POLR2E: variants seen among roughly 807,000 people sequenced by gnomAD.
POLR2E encodes the protein RNA polymerase II, I and III subunit E.
Under a neutral mutation model 29.8 loss-of-function variants are expected in POLR2E, and 35 were observed. That is an observed-to-expected ratio of 1.17 (90% CI 0.90 to 1.55). The LOEUF is 1.55. Ranked by LOEUF, POLR2E falls within the 40% of genes most tolerant of loss-of-function variation. The pLI, the probability that POLR2E is intolerant of heterozygous loss-of-function variation, is 0.00. For synonymous variants in POLR2E, 174 were observed against 112.6 expected, an observed-to-expected ratio of 1.55 and a Z score of -3.45; for missense variants, 287 against 288.6, an observed-to-expected ratio of 0.99 and a Z score of 0.04.
At position 1,087,903 on chromosome 19, in the gene POLR2E, GCCAGAT is replaced by G; in HGVS notation, c.*826_*831del. The stretch of plus-strand genomic sequence containing the variant: ...GACAGTAAGCAAACGGGGAAGTAGA[GCCAGAT>G]CCCAAACGTCTGTAAGAGGAACTGG... On this transcript the variant is annotated 3_prime_UTR_variant, in exon 8 of 8. Transcript: ENST00000615234. The G allele has an allele frequency of 6.6e-6, 1 of 152,412 alleles. No homozygotes were observed. The highest frequency in any genetic ancestry group is 1.9e-4 in the East Asian group (1 of 5,290). 9.4% of individuals were successfully genotyped at this position (152,412 alleles called of 1,614,324 possible).
rs1599793695 is a variant in POLR2E, at chr19:1,091,498, G to A, written c.348+294C>T. On this transcript the variant is annotated intron_variant, in intron 3 of 7. Transcript: ENST00000615234. ...TCAGGATAAAGAACCTCCGGCTCCTGGAATCTGCACCAGGCCGAGGGCTGG... is the reference window on the plus strand; with the variant it reads ...TCAGGATAAAGAACCTCCGGCTCCTAGAATCTGCACCAGGCCGAGGGCTGG... The A allele has an allele frequency of 8.7e-6, 4 of 460,772 alleles. No homozygotes were observed. In the Admixed American group the frequency reaches 1.0e-4, roughly 12 times the overall value. 28.5% of individuals were successfully genotyped at this position (460,772 alleles called of 1,614,324 possible). A position where few individuals can be genotyped will look rare whatever the true frequency, so the allele number is the denominator to read the frequency against.
rs2043814727 is a variant in POLR2E, at chr19:1,090,903, C to T, written c.429+5G>A. The stretch of plus-strand genomic sequence containing the variant: ...CGCAGGCGGGATTCCGCGGCGCGCG[C>T]CCACCTCGTGCTCCGTGATGTTGAT... On this transcript the variant is annotated splice_donor_5th_base_variant and intron_variant, in intron 4 of 7. Transcript: ENST00000615234. 1 of 1,611,590 alleles carries T rather than the reference C, an allele frequency of 6.2e-7. No individual in the cohort carries two copies. Among genetic ancestry groups the T allele is most frequent in the African/African-American group, 1.3e-5 (1 of 74,920 alleles).
At chr19:1,093,732 T>C in intron 2 of POLR2E, 172 bp downstream of exon 2, 1 of 1,394,448 alleles carries the variant, frequency 7.2e-7, no homozygotes, top group Non-Finnish European at 9.3e-7. Context: ...ATGAGAGGGG[T>C]CAGAGATCAA....
At position 1,090,914 on chromosome 19, in the gene POLR2E, C is replaced by T; in HGVS notation, c.423G>A (p.Glu141=). 1 of 1,613,018 alleles carries T rather than the reference C, an allele frequency of 6.2e-7. No homozygotes were observed. Among genetic ancestry groups the T allele is most frequent in the Non-Finnish European group, 8.5e-7 (1 of 1,179,882 alleles). The change falls in exon 4 of 8, where the codon GAG becomes GAA. Residue 141 remains glutamate, a synonymous_variant. Coordinates refer to ENST00000615234, the MANE Select transcript of POLR2E (RefSeq NM_002695.5). ...TTCCGCGGCGCGCGCCCACCTCGTG[C>T]TCCGTGATGTTGATGAGCAGCTCCT... ...LQQELLINIT[E]HELVPEHVVM...
At chr19:1,091,162 C>T (rs563060168) in intron 3 of POLR2E, among the ~76,000 whole-genome samples, 174 bp from the exon 4 acceptor site, 58 of 152,382 alleles carry the variant, frequency 3.8e-4, no homozygotes, top group African/African-American at 1.4e-3. Flanking sequence ...CCTCCCCAGC[C>T]TCTCTGCTCA....
intron 2 of POLR2E, among the ~76,000 whole-genome samples, chr19:1,092,637 G>C (rs2043861559): frequency 6.6e-6 from 1 of 152,086 alleles, no homozygotes; most frequent in Non-Finnish European, 1.5e-5. Context: ...GCAGTGGGCA[G>C]AGATTGCGCC....
intron 3 of POLR2E, 114 bp downstream of exon 3, chr19:1,091,678 G>A: frequency 1.4e-6 from 1 of 709,828 alleles, no homozygotes; most frequent in South Asian, 1.6e-5. Flanking sequence ...ATCCTCCAGG[G>A]CACCCTGGCT....
chr19:1,095,357 G>A lies in POLR2E; in HGVS notation c.-42C>T. The stretch of plus-strand genomic sequence containing the variant: ...GCCGCCGCTCGCACCCCTTCTCCGC[G>A]CGAGAACCCGCGCGGACTGCGCCTG... On this transcript the variant is annotated 5_prime_UTR_variant, in exon 1 of 8. Coordinates refer to ENST00000615234, the MANE Select transcript of POLR2E (RefSeq NM_002695.5). 2 of 1,609,900 alleles carry A rather than the reference G, an allele frequency of 1.2e-6. No homozygotes were observed. The highest frequency in any genetic ancestry group is 1.1e-5 in the South Asian group (1 of 90,918).
At chr19:1,092,170 A>C (rs1052339041) in intron 2 of POLR2E, 16 of 432,344 alleles carry the variant, frequency 3.7e-5, no homozygotes, top group Non-Finnish European at 6.5e-5. Context: ...AGAAGCAGAG[A>C]CCTTCGACTC....
Position 1,090,295 on chromosome 19 carries a change from C to T in POLR2E, c.430-150G>A, listed in dbSNP as rs540456142. 3.8e-5 allele frequency: 27 copies of T among 702,800 alleles called. 1 individual carries two copies. The highest frequency in any genetic ancestry group is 3.2e-4 in the South Asian group (20 of 61,850). 43.5% of individuals were successfully genotyped at this position (702,800 alleles called of 1,614,324 possible). A position where few individuals can be genotyped will look rare whatever the true frequency, so the allele number is the denominator to read the frequency against. On this transcript the variant is annotated intron_variant, in intron 4 of 7. Coordinates refer to ENST00000615234, the MANE Select transcript of POLR2E (RefSeq NM_002695.5). ...GCACTCAGGGAGCCCACCCACCCCA[C>T]CCTGGCTCCACAGGCGGGGGACGGA...
chr19:1,089,604 C>CTGGTGACTGCAGTGAG, intron 6 of POLR2E, 53 bp from the exon 7 acceptor site: 1 of 1,467,656 alleles, frequency 6.8e-7, no homozygotes, highest in Non-Finnish European at 9.5e-7. Flanking sequence ...TCACTGCAGT[C>CTGGTGACTGCAGTGAG]ACCAGACAGC....
In POLR2E at chr19:1,087,736, G is replaced by T. The variant is rs1568502917; in HGVS notation, c.*999C>A. 1.3e-5 allele frequency: 2 copies of T among 152,342 alleles called. No homozygotes were observed. Among genetic ancestry groups the T allele is most frequent in the Non-Finnish European group, 2.9e-5 (2 of 68,062 alleles). 9.4% of individuals were successfully genotyped at this position (152,342 alleles called of 1,614,324 possible). A position where few individuals can be genotyped will look rare whatever the true frequency, so the allele number is the denominator to read the frequency against. ...ATCACACACACAGTCCGCGGCCTGG[G>T]GATCTGGGGACCCTGCTGCACAGAA... On this transcript the variant is annotated 3_prime_UTR_variant, in exon 8 of 8. Coordinates refer to ENST00000615234, the MANE Select transcript of POLR2E (RefSeq NM_002695.5).
rs1395098856 is a variant in POLR2E at position 1,094,061 on chromosome 19, G to A, written c.75C>T (p.Gly25=). ...CAAGCTCGTCCTGGGTCACCAGATA[G>A]CCACGGTCGTGGCACAGCTGCAGAG... ...KTIMQLCHDR[G]YLVTQDELDQ... Residue 25 remains glycine, a synonymous_variant, in exon 2 of 8, where the codon GGC becomes GGT. Coordinates refer to ENST00000615234, the MANE Select transcript of POLR2E (RefSeq NM_002695.5). 2 of 1,612,240 alleles carry A rather than the reference G, an allele frequency of 1.2e-6. No individual in the cohort carries two copies. The highest frequency in any genetic ancestry group is 1.7e-6 in the Non-Finnish European group (2 of 1,179,272).
At position 1,095,359 on chromosome 19, in the gene POLR2E, G is replaced by C. The variant is rs374131467; in HGVS notation, c.-44C>G. On this transcript the variant is annotated 5_prime_UTR_variant, in exon 1 of 8. Coordinates refer to ENST00000615234, the MANE Select transcript of POLR2E (RefSeq NM_002695.5). ...CGCCGCTCGCACCCCTTCTCCGCGCGAGAACCCGCGCGGACTGCGCCTGCG... is the reference window on the plus strand; with the variant it reads ...CGCCGCTCGCACCCCTTCTCCGCGCCAGAACCCGCGCGGACTGCGCCTGCG... 3 of 1,609,820 alleles carry C rather than the reference G, an allele frequency of 1.9e-6. No homozygotes were observed. Among genetic ancestry groups the C allele is most frequent in the African/African-American group, 1.3e-5 (1 of 74,800 alleles).
rs938626286 is a variant in POLR2E, at chr19:1,094,092, G to C, written c.58-14C>G. ...GTCGTGGCACAGCTGCAGAGAGAAA[G>C]AACCAGCTGACCCCAGGGCAGAGAG... On this transcript the variant is annotated splice_polypyrimidine_tract_variant and intron_variant, in intron 1 of 7. Transcript: ENST00000615234. The C allele has an allele frequency of 3.1e-6, 5 of 1,600,576 alleles. No homozygotes were observed. Among genetic ancestry groups the C allele is most frequent in the Middle Eastern group, 3.3e-4 (2 of 6,024 alleles).
At chr19:1,088,791 G>GA (rs1175583192) in intron 7 of POLR2E, 71 bp from the exon 8 acceptor site, 1 of 152,578 alleles carries the variant, frequency 6.6e-6, no homozygotes, top group African/African-American at 2.4e-5. Flanking sequence ...AACGCCCACC[G>GA]AACGTGACGG....
At chr19:1,094,986 C>A in intron 1 of POLR2E, 1 of 467,448 alleles carries the variant, frequency 2.1e-6, no homozygotes, top group Non-Finnish European at 3.8e-6. Flanking sequence ...GCTTCCTCCT[C>A]CTCTCGCCGC....
intron 3 of POLR2E, 129 bp downstream of exon 3, chr19:1,091,663 G>A: frequency 1.5e-6 from 1 of 664,604 alleles, no homozygotes; most frequent in Non-Finnish European, 2.7e-6. Flanking sequence ...GGACATCCCG[G>A]CCACATCCTC....
chr19:1,091,786 GC>G lies in POLR2E; in HGVS notation c.348+5del. 2 of 1,579,830 alleles carry G rather than the reference GC, an allele frequency of 1.3e-6. No individual in the cohort carries two copies. Among genetic ancestry groups the G allele is most frequent in the Non-Finnish European group, 8.7e-7 (1 of 1,154,666 alleles). Reference sequence around the variant, plus strand: ...GAGGCTGGCGGGGTGGGGCAGGGGTGCCCACCTGCTTGGCGGAGGGTGTCAT... The same window carrying G: ...GAGGCTGGCGGGGTGGGGCAGGGGTGCCACCTGCTTGGCGGAGGGTGTCAT... On this transcript the variant is annotated splice_donor_5th_base_variant and intron_variant, in intron 3 of 7. Transcript: ENST00000615234.
Sources: gnomAD v4.1 joint callset for allele counts (sites outside exome capture counted in the v4.1 genomes callset) on GRCh38, gnomAD v4.1.1 for gene constraint, MANE v1.5 for transcripts, NCBI Gene and HGNC (gene_info 2026-07-23, HGNC 2026-07-21) for gene names.